METTL15: variants seen among roughly 807,000 people sequenced by gnomAD.
The protein encoded by METTL15 is 12S rRNA N(4)-cytidine methyltransferase METTL15.
A neutral mutation model predicts 38.3 loss-of-function variants in METTL15; 34 were observed. The observed-to-expected ratio is 0.89, with a 90% confidence interval of 0.68 to 1.18. The LOEUF is 1.18. Ranked by LOEUF, METTL15 falls within the 50% of genes most tolerant of loss-of-function variation. The pLI is 0.00. For missense variants in METTL15, 438 were observed against 498.4 expected (o/e 0.88, Z 1.15); for synonymous variants, 162 against 170.9 (o/e 0.95, Z 0.41).
In METTL15 at chr11:28,433,587, T is replaced by C. The variant is rs550062912; in HGVS notation, c.*424+9223T>C. Among the ~76,000 whole-genome samples, 7 of 152,302 alleles carry C rather than the reference T, an allele frequency of 4.6e-5. No homozygotes were observed. The East Asian group carries it at 1.3e-3, about 29-fold the overall frequency. On this transcript the variant is annotated intron_variant and NMD_transcript_variant, in intron 6 of 7. Coordinates refer to the METTL15 transcript ENST00000532947. ...AAATTTCTTAGTTCACTGCCTGACATGTAATAAGAATATACGGTCAATGAG... is the reference window on the plus strand; with the variant it reads ...AAATTTCTTAGTTCACTGCCTGACACGTAATAAGAATATACGGTCAATGAG...
chr11:28,473,295 C>G (rs1193851216), intron 6 of METTL15, among the ~76,000 whole-genome samples: 2 of 152,096 alleles, frequency 1.3e-5, no homozygotes, highest in African/African-American at 2.4e-5. Flanking sequence ...TGGTATGCCA[C>G]CAACAAGTGT....
At chr11:28,165,904 G>C (rs531423933) in intron 3 of METTL15, among the ~76,000 whole-genome samples, 1 of 152,208 alleles carries the variant, frequency 6.6e-6, no homozygotes, top group African/African-American at 2.4e-5. Context: ...ATTTGTTGAA[G>C]AGACTGTCTT....
At chr11:28,420,809 A>G (rs540417588) in intron 5 of METTL15, among the ~76,000 whole-genome samples, 1 of 152,270 alleles carries the variant, frequency 6.6e-6, no homozygotes, top group South Asian at 2.1e-4. Context: ...ATCCTAAAGA[A>G]CTAGGAAAGC....
At chr11:28,504,531 A>G (rs1164718416) in intron 6 of METTL15, among the ~76,000 whole-genome samples, 1 of 152,228 alleles carries the variant, frequency 6.6e-6, no homozygotes, top group East Asian at 1.9e-4. Flanking sequence ...TTTTAAAAAA[A>G]TATATGGGCT....
At chr11:28,239,802 A>G (rs117474876) in intron 4 of METTL15, among the ~76,000 whole-genome samples, 3,694 of 152,272 alleles carry the variant, frequency 0.024, 91 homozygotes, top group Middle Eastern at 0.048. Flanking sequence ...TAAAGTATCA[A>G]ATTTACAAGT....
intron 3 of METTL15, among the ~76,000 whole-genome samples, chr11:28,118,304 T>G (rs1852062766): frequency 6.6e-6 from 1 of 152,202 alleles, no homozygotes; most frequent in African/African-American, 2.4e-5. Context: ...AGATTTGTTT[T>G]TCAAATACAC....
Position 28,311,502 on chromosome 11 carries a change from T to G in METTL15, c.778+14571T>G, listed in dbSNP as rs186590701. 2.6e-5 allele frequency among the ~76,000 whole-genome samples: 4 copies of G among 152,318 alleles called. No homozygotes were observed. The East Asian group carries it at 7.7e-4, about 29-fold the overall frequency. On this transcript the variant is annotated intron_variant, in intron 6 of 6. Transcript: ENST00000407364. ...TGTCTACCTTATGAACTGTGTGAGCTCTTCAAGGATAGAGCAACCATATGT... is the reference window on the plus strand; with the variant it reads ...TGTCTACCTTATGAACTGTGTGAGCGCTTCAAGGATAGAGCAACCATATGT...
intron 6 of METTL15, among the ~76,000 whole-genome samples, chr11:28,514,137 G>T (rs546089971): frequency 4.6e-5 from 7 of 152,304 alleles, no homozygotes; most frequent in Non-Finnish European, 1.0e-4. Flanking sequence ...TGCAGATTGG[G>T]TGGGCCTTAA....
chr11:28,194,835 T>C (rs1242828239), intron 3 of METTL15, among the ~76,000 whole-genome samples: 2 of 151,724 alleles, frequency 1.3e-5, no homozygotes, highest in Non-Finnish European at 2.9e-5. Context: ...GTTTTTTTTT[T>C]CAACCCTCAC....
chr11:28,397,741 A>G (rs1314843311), intron 5 of METTL15, among the ~76,000 whole-genome samples: 1 of 152,160 alleles, frequency 6.6e-6, no homozygotes, highest in Non-Finnish European at 1.5e-5. Context: ...ATTACTGAGT[A>G]TATACCCAAA....
chr11:28,165,114 G>A (rs949037005), intron 3 of METTL15, among the ~76,000 whole-genome samples: 4 of 151,976 alleles, frequency 2.6e-5, no homozygotes, highest in Admixed American at 6.6e-5. Flanking sequence ...GGTTGATTCC[G>A]TATCTTGGCT....
chr11:28,251,947 C>T (rs1854763000), intron 4 of METTL15, among the ~76,000 whole-genome samples: 2 of 152,082 alleles, frequency 1.3e-5, no homozygotes, highest in South Asian at 4.1e-4. Context: ...AAAACTGTCA[C>T]ATTTTGCTAA....
intron 5 of METTL15, among the ~76,000 whole-genome samples, chr11:28,402,834 C>T (rs1174367395): frequency 6.6e-6 from 1 of 151,828 alleles, no homozygotes; most frequent in Non-Finnish European, 1.5e-5. Context: ...TCACCCTCTC[C>T]CACCTTCTCA....
chr11:28,246,699 G>A (rs938973766), intron 4 of METTL15, among the ~76,000 whole-genome samples: 1 of 152,044 alleles, frequency 6.6e-6, no homozygotes, highest in Non-Finnish European at 1.5e-5. Flanking sequence ...TATGGGATTG[G>A]TATGGGATAC....
At chr11:28,367,202 G>GA (rs35410826) in intron 5 of METTL15, among the ~76,000 whole-genome samples, 61,719 of 139,978 alleles carry the variant, frequency 0.44, 14,119 homozygotes, top group Admixed American at 0.55. Flanking sequence ...GAGCCACTGA[G>GA]AAAAAAAAAA....
At chr11:28,144,723 TG>T (rs1290047295) in intron 3 of METTL15, among the ~76,000 whole-genome samples, 2 of 152,112 alleles carry the variant, frequency 1.3e-5, no homozygotes, top group Non-Finnish European at 2.9e-5. Flanking sequence ...GTAAATTTTG[TG>T]GTCTGCTTAT....
At chr11:28,266,415 CA>C (rs1855421664) in intron 4 of METTL15, among the ~76,000 whole-genome samples, 1 of 152,078 alleles carries the variant, frequency 6.6e-6, no homozygotes, top group South Asian at 2.1e-4. Flanking sequence ...TGTAGGGACA[CA>C]GATGAAGCTG....
At chr11:28,238,490 T>C (rs1854129668) in intron 4 of METTL15, among the ~76,000 whole-genome samples, 1 of 152,114 alleles carries the variant, frequency 6.6e-6, no homozygotes, top group South Asian at 2.1e-4. Flanking sequence ...AATGCCCCGA[T>C]TTTCCAGGTG....
chr11:28,272,803 A>G (rs1855698597), intron 4 of METTL15, among the ~76,000 whole-genome samples: 2 of 152,144 alleles, frequency 1.3e-5, no homozygotes, highest in South Asian at 4.1e-4. Flanking sequence ...CCCTGAATCA[A>G]CCTCTTAAAG....
Sources: allele counts gnomAD v4.1 joint callset (sites outside exome capture counted in the v4.1 genomes callset), GRCh38; gene constraint gnomAD v4.1.1; transcripts MANE v1.5; gene names NCBI Gene and HGNC (gene_info 2026-07-23, HGNC 2026-07-21).